ROBO1: variants seen among roughly 807,000 people sequenced by gnomAD.
ROBO1 encodes the protein roundabout guidance receptor 1, also known as roundabout homolog 1.
In ROBO1, 149 loss-of-function variants were observed where a neutral mutation model predicts 195.9. The observed-to-expected ratio is 0.76, with a 90% CI of 0.67 to 0.87. The LOEUF (loss-of-function observed/expected upper bound fraction) is 0.87, where lower values mean the gene tolerates loss of function less well. ROBO1 is among the 40% of genes least tolerant of loss of function. The probability of loss-of-function intolerance (pLI) is 0.00; values close to 1 mark genes in which losing one functional copy is unlikely to be tolerated. For synonymous variants in ROBO1, 816 were observed against 733.2 expected (o/e 1.11, Z -1.82); for missense variants, 1,933 against 2,068.3 (o/e 0.93, Z 1.27).
chr3:79,261,417 G>T (rs2082935586), intron 2 of ROBO1, among the ~76,000 whole-genome samples: 1 of 151,912 alleles, frequency 6.6e-6, no homozygotes, highest in African/African-American at 2.4e-5. Context: ...AAATTAAATT[G>T]TGAGTATAGA....
intron 3 of ROBO1, among the ~76,000 whole-genome samples, chr3:78,982,719 C>G (rs907088812): frequency 5.3e-5 from 8 of 151,956 alleles, no homozygotes; most frequent in Non-Finnish European, 1.0e-4. Context: ...ACATCCACCC[C>G]CCAGGTTCAG....
At chr3:79,685,388 T>C (rs1355174712) in intron 1 of ROBO1, among the ~76,000 whole-genome samples, 1 of 152,118 alleles carries the variant, frequency 6.6e-6, no homozygotes, top group Non-Finnish European at 1.5e-5. Flanking sequence ...TTCAGGAATA[T>C]GTGGAAGTTT....
chr3:78,945,008 C>G (rs574608519), intron 3 of ROBO1, among the ~76,000 whole-genome samples: 3 of 152,162 alleles, frequency 2.0e-5, no homozygotes, highest in Non-Finnish European at 4.4e-5. Flanking sequence ...ATTAGGTAGA[C>G]AAAGCTACCG....
At chr3:79,600,665 T>C (rs1386756851) in intron 1 of ROBO1, among the ~76,000 whole-genome samples, 1 of 151,736 alleles carries the variant, frequency 6.6e-6, no homozygotes, top group East Asian at 2.0e-4. Flanking sequence ...TTTTTCACTT[T>C]AGAGACCAAA....
At chr3:79,165,822 T>C (rs1201536293) in intron 2 of ROBO1, among the ~76,000 whole-genome samples, 3 of 152,206 alleles carry the variant, frequency 2.0e-5, no homozygotes, top group Non-Finnish European at 4.4e-5. Context: ...TGGGAGTTGC[T>C]GGGAAGATAT....
At chr3:79,361,251 A>C (rs1577021063) in intron 2 of ROBO1, among the ~76,000 whole-genome samples, 1 of 152,214 alleles carries the variant, frequency 6.6e-6, no homozygotes, top group Non-Finnish European at 1.5e-5. Flanking sequence ...TTTCAATATT[A>C]GAATTTTCTA....
chr3:78,760,686 T>C (rs1246747244), intron 4 of ROBO1, among the ~76,000 whole-genome samples: 1 of 152,156 alleles, frequency 6.6e-6, no homozygotes, highest in Non-Finnish European at 1.5e-5. Flanking sequence ...CTGTCACCCA[T>C]GCTGTAGTGG....
intron 5 of ROBO1, among the ~76,000 whole-genome samples, chr3:78,735,755 C>A (rs920932869): frequency 6.6e-6 from 1 of 151,808 alleles, no homozygotes; most frequent in Non-Finnish European, 1.5e-5. Flanking sequence ...CCATGAAAAC[C>A]CTTTGTTGTT....
At chr3:78,754,613 C>T (rs145614064) in intron 4 of ROBO1, among the ~76,000 whole-genome samples, 90 of 152,264 alleles carry the variant, frequency 5.9e-4, no homozygotes, top group Non-Finnish European at 8.5e-4. Flanking sequence ...TAAATGTTTA[C>T]TACACTTTCC....
intron 4 of ROBO1, among the ~76,000 whole-genome samples, chr3:78,831,141 G>A (rs1410138372): frequency 6.6e-6 from 1 of 151,974 alleles, no homozygotes; most frequent in Non-Finnish European, 1.5e-5. Flanking sequence ...TCGAACTCCT[G>A]ACCTCGTGAT....
At chr3:79,687,313 G>A (rs1193280215) in intron 1 of ROBO1, among the ~76,000 whole-genome samples, 12 of 152,020 alleles carry the variant, frequency 7.9e-5, no homozygotes, top group Non-Finnish European at 1.5e-5. Context: ...ATAGGCATGG[G>A]CAAGGACTTC....
chr3:78,729,814 C>T (rs1012430260), intron 5 of ROBO1, among the ~76,000 whole-genome samples: 41 of 152,172 alleles, frequency 2.7e-4, no homozygotes, highest in African/African-American at 9.6e-4. Flanking sequence ...AGGTAGATTA[C>T]ATGGTAGCAT....
At chr3:78,979,089 C>T (rs141548029) in intron 3 of ROBO1, among the ~76,000 whole-genome samples, 1 of 152,260 alleles carries the variant, frequency 6.6e-6, no homozygotes, top group Non-Finnish European at 1.5e-5. Flanking sequence ...AATGTTTCCC[C>T]AGACTGCATT....
At chr3:79,441,979 T>A (rs1323349915) in intron 2 of ROBO1, among the ~76,000 whole-genome samples, 1 of 152,006 alleles carries the variant, frequency 6.6e-6, no homozygotes, top group African/African-American at 2.4e-5. Flanking sequence ...TTGATTTCTG[T>A]GACTAGAGAG....
intron 3 of ROBO1, among the ~76,000 whole-genome samples, chr3:79,074,846 G>A (rs2079145014): frequency 6.6e-6 from 1 of 151,726 alleles, no homozygotes; most frequent in South Asian, 2.1e-4. Flanking sequence ...ACATAAATCT[G>A]TAGCACAAAT....
At chr3:78,836,952 C>G (rs1418551363) in intron 4 of ROBO1, among the ~76,000 whole-genome samples, 1 of 152,134 alleles carries the variant, frequency 6.6e-6, no homozygotes, top group East Asian at 1.9e-4. Flanking sequence ...ATCCATACAA[C>G]TTTCTGTCCA....
At chr3:79,265,491 A>G (rs2083023301) in intron 2 of ROBO1, among the ~76,000 whole-genome samples, 1 of 151,644 alleles carries the variant, frequency 6.6e-6, no homozygotes, top group Admixed American at 6.6e-5. Context: ...TTTAATATCT[A>G]GAGGAGAGAG....
At chr3:79,210,229 G>T (rs562044276) in intron 2 of ROBO1, among the ~76,000 whole-genome samples, 5 of 152,122 alleles carry the variant, frequency 3.3e-5, no homozygotes, top group South Asian at 2.1e-4. Context: ...CTAAGCAAAA[G>T]AACAAATCTG....
At chr3:78,719,802 C>T (rs948871724) in intron 5 of ROBO1, among the ~76,000 whole-genome samples, 1 of 152,154 alleles carries the variant, frequency 6.6e-6, no homozygotes, top group African/African-American at 2.4e-5. Context: ...CGCTTATGAA[C>T]AGCACTGAAA....
Sources: allele counts gnomAD v4.1 joint callset (sites outside exome capture counted in the v4.1 genomes callset), GRCh38; gene constraint gnomAD v4.1.1; transcripts MANE v1.5; gene names NCBI Gene and HGNC (gene_info 2026-07-23, HGNC 2026-07-21).